PDE4D: variants seen among roughly 807,000 people sequenced by gnomAD.
PDE4D encodes 3',5'-cyclic-AMP phosphodiesterase 4D.
In PDE4D, 24 loss-of-function variants were observed where a neutral mutation model predicts 87.4. That is an observed-to-expected ratio of 0.27 (90% confidence interval 0.20 to 0.39). PDE4D has a LOEUF of 0.39. PDE4D is among the 10% of genes least tolerant of loss of function. The pLI is 1.00. For synonymous variants in PDE4D, 384 were observed against 383.2 expected, an observed-to-expected ratio of 1.00 and a Z score of -0.02; for missense variants, 714 against 1,041.0, an observed-to-expected ratio of 0.69 and a Z score of 4.32.
At chr5:59,016,122 C>T (rs905975481) in intron 6 of PDE4D, among the ~76,000 whole-genome samples, 6 of 152,022 alleles carry the variant, frequency 3.9e-5, no homozygotes, top group African/African-American at 1.4e-4. Flanking sequence ...ACACTGGGGC[C>T]TGTTGTGGGG....
At chr5:59,100,937 C>G (rs1770630983) in intron 5 of PDE4D, among the ~76,000 whole-genome samples, 1 of 152,182 alleles carries the variant, frequency 6.6e-6, no homozygotes, top group Non-Finnish European at 1.5e-5. Context: ...TGCTTCTAAA[C>G]TTCAGGTGTA....
intron 1 of PDE4D, among the ~76,000 whole-genome samples, chr5:60,221,664 C>T (rs186123181): frequency 6.6e-6 from 1 of 152,284 alleles, no homozygotes; most frequent in Non-Finnish European, 1.5e-5. Flanking sequence ...CTATCACCTA[C>T]AGTTCTGCCT....
At chr5:59,655,697 G>A (rs1744240171) in intron 1 of PDE4D, among the ~76,000 whole-genome samples, 1 of 152,156 alleles carries the variant, frequency 6.6e-6, no homozygotes, top group Admixed American at 6.5e-5. Flanking sequence ...GAGGGATGAG[G>A]AAGGAGCTTT....
At chr5:59,228,650 A>G (rs560233749) in intron 1 of PDE4D, among the ~76,000 whole-genome samples, 197 of 152,194 alleles carry the variant, frequency 1.3e-3, no homozygotes, top group South Asian at 7.5e-3. Flanking sequence ...GATCCTCCTA[A>G]AATGTAAGCC....
At chr5:59,586,343 C>T in intron 1 of PDE4D, 1 of 1,611,494 alleles carries the variant, frequency 6.2e-7, no homozygotes, top group Non-Finnish European at 8.5e-7. Flanking sequence ...TCCAGGAATG[C>T]CTTCTAAAGG....
intron 1 of PDE4D, among the ~76,000 whole-genome samples, chr5:60,385,138 T>C (rs1433952463): frequency 6.6e-6 from 1 of 152,180 alleles, no homozygotes; most frequent in Non-Finnish European, 1.5e-5. Flanking sequence ...CTGTCCCAGA[T>C]TGGATTCCAC....
intron 1 of PDE4D, among the ~76,000 whole-genome samples, chr5:60,338,732 TTG>T (rs996520810): frequency 1.1e-4 from 16 of 151,896 alleles, no homozygotes; most frequent in African/African-American, 3.2e-4. Context: ...TGCTGGCAAT[TTG>T]AATATCCCTA....
At chr5:59,741,237 T>C (rs921006463) in intron 1 of PDE4D, among the ~76,000 whole-genome samples, 1 of 152,192 alleles carries the variant, frequency 6.6e-6, no homozygotes, top group Non-Finnish European at 1.5e-5. Context: ...TGTGCCATCC[T>C]GAACCTCAGT....
chr5:59,747,848 C>T (rs1030060492), intron 1 of PDE4D, among the ~76,000 whole-genome samples: 7 of 152,146 alleles, frequency 4.6e-5, no homozygotes, highest in African/African-American at 1.2e-4. Context: ...TCCCCCAAAG[C>T]CTCCTCAAGA....
At chr5:59,660,252 G>T (rs1745021526) in intron 1 of PDE4D, among the ~76,000 whole-genome samples, 2 of 152,036 alleles carry the variant, frequency 1.3e-5, no homozygotes, top group African/African-American at 4.8e-5. Flanking sequence ...TCATCCCTTG[G>T]TAATACATAT....
chr5:60,019,839 C>T (rs750110833), intron 2 of PDE4D, among the ~76,000 whole-genome samples: 1 of 152,148 alleles, frequency 6.6e-6, no homozygotes, highest in South Asian at 2.1e-4. Flanking sequence ...TGGTATTTTT[C>T]AATTTCCTTC....
chr5:59,443,635 T>C (rs62357502), intron 1 of PDE4D, among the ~76,000 whole-genome samples: 351 of 152,342 alleles, frequency 2.3e-3, no homozygotes, highest in Non-Finnish European at 4.2e-3. Context: ...GTGATTATTT[T>C]GCCATCATGA....
chr5:59,851,556 A>G (rs947940221), intron 1 of PDE4D, among the ~76,000 whole-genome samples: 1 of 151,612 alleles, frequency 6.6e-6, no homozygotes, highest in Non-Finnish European at 1.5e-5. Context: ...ACGAGATACC[A>G]CTCCTTTGAT....
At chr5:60,133,669 T>C (rs1378239906) in intron 2 of PDE4D, among the ~76,000 whole-genome samples, 1 of 152,214 alleles carries the variant, frequency 6.6e-6, no homozygotes, top group Non-Finnish European at 1.5e-5. Context: ...AATATTTTTC[T>C]AGATGCTAAC....
chr5:60,037,305 T>C (rs1767923367), intron 2 of PDE4D, among the ~76,000 whole-genome samples: 1 of 152,196 alleles, frequency 6.6e-6, no homozygotes, highest in South Asian at 2.1e-4. Flanking sequence ...CAAAGCTCAT[T>C]TGAACATAAC....
At chr5:59,324,879 G>A (rs1775369793) in intron 1 of PDE4D, among the ~76,000 whole-genome samples, 2 of 152,128 alleles carry the variant, frequency 1.3e-5, no homozygotes, top group African/African-American at 2.4e-5. Flanking sequence ...TTTATGCTTG[G>A]AGATGGAACT....
chr5:60,270,160 G>A (rs1750664262), intron 1 of PDE4D, among the ~76,000 whole-genome samples: 1 of 152,176 alleles, frequency 6.6e-6, no homozygotes, highest in African/African-American at 2.4e-5. Flanking sequence ...AAAGAGATAG[G>A]AAGGTGAAGA....
chr5:60,439,904 C>T (rs1386848761), intron 1 of PDE4D, among the ~76,000 whole-genome samples: 2 of 144,214 alleles, frequency 1.4e-5, no homozygotes, highest in Admixed American at 1.4e-4. Flanking sequence ...CCTTCAAAGG[C>T]TTTCCATTGT....
chr5:59,091,729 T>C lies in PDE4D; in HGVS notation c.809-52758A>G, dbSNP rs190366153. ...GGGTCTTTCTGAGGGGTGATCATAGTAGGTATTTACTTTAGAACAATTTGT... is the reference window on the plus strand; with the variant it reads ...GGGTCTTTCTGAGGGGTGATCATAGCAGGTATTTACTTTAGAACAATTTGT... On this transcript the variant is annotated intron_variant, in intron 5 of 14. Coordinates refer to ENST00000340635, the MANE Select transcript of PDE4D (RefSeq NM_001104631.2). 1.9e-4 allele frequency among the ~76,000 whole-genome samples: 29 copies of C among 152,242 alleles called. No individual in the cohort carries two copies. The East Asian group carries it at 5.4e-3, about 28-fold the overall frequency.
Sources: allele counts gnomAD v4.1 joint callset (sites outside exome capture counted in the v4.1 genomes callset), GRCh38; gene constraint gnomAD v4.1.1; transcripts MANE v1.5; gene names NCBI Gene and HGNC (gene_info 2026-07-23, HGNC 2026-07-21).